The following XKR6 variants were observed in gnomAD, a reference collection of about 807,000 sequenced individuals.
XKR6 encodes the protein XK-related protein 6.
Under a neutral mutation model 56.7 loss-of-function variants are expected in XKR6, and 22 were observed. The observed-to-expected ratio is 0.39, with a 90% CI of 0.28 to 0.55. XKR6 has a LOEUF of 0.55. Ranked by LOEUF, XKR6 falls within the 20% of genes least tolerant of loss-of-function variation. The pLI, the probability that XKR6 is intolerant of heterozygous loss-of-function variation, is 0.66. For missense variants in XKR6, 852 were observed against 889.0 expected, an observed-to-expected ratio of 0.96 and a Z score of 0.53; for synonymous variants, 524 against 387.8, an observed-to-expected ratio of 1.35 and a Z score of -4.13.
intron 1 of XKR6, among the ~76,000 whole-genome samples, chr8:11,093,942 C>A (rs1798173679): frequency 2.6e-5 from 4 of 151,996 alleles, no homozygotes; most frequent in African/African-American, 7.3e-5. Context: ...CGCCACCACG[C>A]CAGACTAATT....
rs139675300 is a variant in XKR6 at position 11,131,197 on chromosome 8, T to C, written c.764+69379A>G. On this transcript the variant is annotated intron_variant, in intron 1 of 2. Transcript: ENST00000416569. ...GGTTCATCTCAGTGAGCCTCTTTCA[T>C]TTTCCATAGCTTTATAGTTCCCAGG... 1.7e-4 allele frequency among the ~76,000 whole-genome samples: 26 copies of C among 152,318 alleles called. No individual in the cohort carries two copies. The East Asian group carries it at 4.4e-3, about 26-fold the overall frequency.
chr8:11,137,392 T>C (rs527509417), intron 1 of XKR6: 3 of 340,084 alleles, frequency 8.8e-6, no homozygotes, highest in African/African-American at 6.5e-5. Flanking sequence ...CTTTCTTCAT[T>C]CACATATTCT....
chr8:10,959,829 A>G (rs1192758010), intron 1 of XKR6, among the ~76,000 whole-genome samples: 1 of 152,188 alleles, frequency 6.6e-6, no homozygotes, highest in East Asian at 1.9e-4. Context: ...CTGGTGTTCC[A>G]ATGGCAGGAA....
chr8:10,917,420 A>G (rs1800593273), intron 2 of XKR6, among the ~76,000 whole-genome samples: 1 of 152,226 alleles, frequency 6.6e-6, no homozygotes, highest in Admixed American at 6.5e-5. Flanking sequence ...ACTTTATGCA[A>G]CATGTCGAGG....
chr8:11,075,230 G>C (rs1448897209), intron 1 of XKR6, among the ~76,000 whole-genome samples: 2 of 152,188 alleles, frequency 1.3e-5, no homozygotes, highest in Non-Finnish European at 2.9e-5. Flanking sequence ...AGAAATCTGA[G>C]CCTAGTCCCC....
At chr8:10,976,018 C>CAA (rs5889352) in intron 1 of XKR6, among the ~76,000 whole-genome samples, 6 of 151,450 alleles carry the variant, frequency 4.0e-5, no homozygotes, top group Admixed American at 2.0e-4. Context: ...ACTAAAAATA[C>CAA]AAAAAAAATT....
At chr8:10,982,944 C>G (rs2129137855) in intron 1 of XKR6, among the ~76,000 whole-genome samples, 1 of 152,292 alleles carries the variant, frequency 6.6e-6, no homozygotes, top group African/African-American at 2.4e-5. Context: ...GCTATATGGC[C>G]TTGGGCAAGC....
At chr8:11,032,474 T>C (rs950614811) in intron 1 of XKR6, among the ~76,000 whole-genome samples, 1 of 152,048 alleles carries the variant, frequency 6.6e-6, no homozygotes, top group Non-Finnish European at 1.5e-5. Flanking sequence ...TGAGTTTAGA[T>C]TAGGGAGGAA....
chr8:10,983,828 T>C (rs566662378), intron 1 of XKR6, among the ~76,000 whole-genome samples: 37 of 152,242 alleles, frequency 2.4e-4, no homozygotes, highest in African/African-American at 8.7e-4. Context: ...GCTAATTTTT[T>C]GTATTTTTCG....
At chr8:11,038,411 G>C (rs562878383) in intron 1 of XKR6, among the ~76,000 whole-genome samples, 2 of 152,070 alleles carry the variant, frequency 1.3e-5, no homozygotes, top group African/African-American at 4.8e-5. Context: ...AGAGAGCAGG[G>C]ACACATTGTG....
At chr8:11,193,862 G>T (rs1362163584) in intron 1 of XKR6, among the ~76,000 whole-genome samples, 1 of 149,820 alleles carries the variant, frequency 6.7e-6, no homozygotes, top group African/African-American at 2.5e-5. Flanking sequence ...ATTTTAAACA[G>T]ATTACAAAAA....
intron 2 of XKR6, among the ~76,000 whole-genome samples, chr8:10,920,708 C>T (rs1800685342): frequency 6.6e-6 from 1 of 152,250 alleles, no homozygotes; most frequent in Non-Finnish European, 1.5e-5. Flanking sequence ...AGAGAAATGC[C>T]AAGCCCCTTA....
intron 1 of XKR6, among the ~76,000 whole-genome samples, chr8:11,005,012 A>T (rs1434873586): frequency 6.6e-6 from 1 of 152,196 alleles, no homozygotes; most frequent in Non-Finnish European, 1.5e-5. Flanking sequence ...AGAAAGTAGA[A>T]CAGAATGTGG....
chr8:11,007,918 G>C (rs1000596781), intron 1 of XKR6, among the ~76,000 whole-genome samples: 9 of 151,672 alleles, frequency 5.9e-5, no homozygotes, highest in African/African-American at 2.2e-4. Context: ...CAGATGGCAG[G>C]GGCAGAGTGG....
chr8:11,038,954 AG>A (rs1240957151), intron 1 of XKR6, among the ~76,000 whole-genome samples: 1 of 152,162 alleles, frequency 6.6e-6, no homozygotes, highest in African/African-American at 2.4e-5. Context: ...GTTTCCCACT[AG>A]GGCTGCTTAC....
chr8:10,960,508 C>T (rs1371468080), intron 1 of XKR6, among the ~76,000 whole-genome samples: 1 of 152,210 alleles, frequency 6.6e-6, no homozygotes, highest in Non-Finnish European at 1.5e-5. Context: ...CACGCCTCCA[C>T]AAGAAAGGAA....
At chr8:11,011,426 G>C (rs997896164) in intron 1 of XKR6, among the ~76,000 whole-genome samples, 1 of 152,216 alleles carries the variant, frequency 6.6e-6, no homozygotes, top group Non-Finnish European at 1.5e-5. Flanking sequence ...AAGCAGGTGA[G>C]CACCAGGCTG....
intron 1 of XKR6, among the ~76,000 whole-genome samples, chr8:11,064,016 G>A (rs545940089): frequency 2.6e-5 from 4 of 152,180 alleles, no homozygotes; most frequent in South Asian, 2.1e-4. Context: ...ACAACCTTCC[G>A]AAGTTCTCTT....
intron 1 of XKR6, among the ~76,000 whole-genome samples, chr8:11,093,116 T>C (rs1798134856): frequency 6.6e-6 from 1 of 152,132 alleles, no homozygotes; most frequent in African/African-American, 2.4e-5. Context: ...AGTGCAATGG[T>C]GTGATCTCGG....
Sources: gnomAD v4.1 joint callset for allele counts (sites outside exome capture counted in the v4.1 genomes callset) on GRCh38, gnomAD v4.1.1 for gene constraint, MANE v1.5 for transcripts, NCBI Gene and HGNC (gene_info 2026-07-23, HGNC 2026-07-21) for gene names.